TTC8: variants seen among roughly 807,000 people sequenced by gnomAD.
The protein encoded by TTC8 is tetratricopeptide repeat protein 8.
A neutral mutation model predicts 72.5 loss-of-function variants in TTC8; 47 were observed. The ratio of observed to expected loss-of-function variants is 0.65; its 90% confidence interval spans 0.51 to 0.83. The LOEUF (loss-of-function observed/expected upper bound fraction) is 0.83, where lower values mean the gene tolerates loss of function less well. Ranked by LOEUF, TTC8 falls within the 40% of genes least tolerant of loss-of-function variation. The probability of loss-of-function intolerance (pLI) is 0.00; values close to 1 mark genes in which losing one functional copy is unlikely to be tolerated. For missense variants in TTC8, 611 were observed against 623.2 expected, an observed-to-expected ratio of 0.98 and a Z score of 0.21; for synonymous variants, 199 against 221.4, an observed-to-expected ratio of 0.90 and a Z score of 0.90.
At chr14:88,830,147 C>A (rs2094719474) in intron 1 of TTC8, among the ~76,000 whole-genome samples, 1 of 152,226 alleles carries the variant, frequency 6.6e-6, no homozygotes, top group East Asian at 1.9e-4. Flanking sequence ...GACTCATTAG[C>A]CAGCATAAGT....
In TTC8 at chr14:88,873,495, A is replaced by G. The variant is rs74079410; in HGVS notation, c.1347+1043A>G. Among the ~76,000 whole-genome samples, 920 of 152,322 alleles carry G rather than the reference A, an allele frequency of 6.0e-3. 19 individuals carry two copies. The highest frequency in any genetic ancestry group is 0.021 in the African/African-American group (866 of 41,572). ...GGATGTAGAATGTCAGCTGTATGAA[A>G]AGAGTGACCATATCTGTCATGTAAC... is the stretch of plus-strand genomic sequence containing the variant. On this transcript the variant is annotated intron_variant, in intron 13 of 14. Transcript: ENST00000380656.
chr14:88,831,022 T>G, intron 1 of TTC8: 1 of 404,830 alleles, frequency 2.5e-6, no homozygotes, highest in Non-Finnish European at 4.9e-6. Context: ...AAATACTGCC[T>G]CTATACCTTT....
At position 88,869,844 on chromosome 14, in the gene TTC8, A is replaced by G. The variant is rs1487667848; in HGVS notation, c.910-215A>G. Among the ~76,000 whole-genome samples the G allele has an allele frequency of 4.6e-5, 7 of 151,908 alleles. No homozygotes were observed. The South Asian group carries it at 1.2e-3, about 27-fold the overall frequency. On this transcript the variant is annotated intron_variant, in intron 10 of 14. Coordinates refer to ENST00000380656, the MANE Select transcript of TTC8 (RefSeq NM_144596.4). The stretch of plus-strand genomic sequence containing the variant: ...AGCACTTAACCTTCTCTTATATTAC[A>G]TATTTGTTTGCCTTTCATACCAGAT...
intron 3 of TTC8, 80 bp downstream of exon 3, chr14:88,839,652 T>C: frequency 6.8e-7 from 1 of 1,470,614 alleles, no homozygotes; most frequent in African/African-American, 1.4e-5. Flanking sequence ...TATATATGCC[T>C]ATATATTTCT....
intron 14 of TTC8, among the ~76,000 whole-genome samples, chr14:88,876,539 G>A (rs532920655): frequency 6.6e-6 from 1 of 152,102 alleles, no homozygotes; most frequent in African/African-American, 2.4e-5. Flanking sequence ...ATAAATGTTT[G>A]AGGTGACGGA....
rs1212931793 is a variant in TTC8, at chr14:88,843,821, A to G, written c.595A>G (p.Ile199Val). 2 of 1,596,394 alleles carry G rather than the reference A, an allele frequency of 1.3e-6. No individual in the cohort carries two copies. The highest frequency in any genetic ancestry group is 8.6e-7 in the Non-Finnish European group (1 of 1,169,192). Residue 199 changes from isoleucine to valine, a missense_variant, in exon 7 of 15, where the codon ATC becomes GTC. Ile to Val is a conservative substitution (Grantham distance 29). Transcript: ENST00000380656. ...TTCTTCACAGGCTTTGTTTGAGTAT[A>G]TCTTTCATCATGAAAATGATGTTAA... Reference protein sequence around the residue: ...PKLAKALFEYIFHHENDVKTA... With the variant: ...PKLAKALFEYVFHHENDVKTA...
intron 1 of TTC8, among the ~76,000 whole-genome samples, chr14:88,827,406 A>T (rs1185546843): frequency 6.6e-6 from 1 of 152,166 alleles, no homozygotes; most frequent in African/African-American, 2.4e-5. Flanking sequence ...GAAATTTGAT[A>T]TTCTTTTCCT....
At position 88,872,329 on chromosome 14, in the gene TTC8, G is replaced by C; in HGVS notation, c.1225-1G>C. ...GTGTGAACATAGGCTTTCTTTTGTA[G>C]GGAATAGGAGATACAAATTTGGCCC... On this transcript the variant is annotated splice_acceptor_variant, in intron 12 of 14. Transcript: ENST00000380656. LOFTEE classifies it high-confidence loss of function. The C allele has an allele frequency of 6.2e-7, 1 of 1,613,644 alleles. No homozygotes were observed. Among genetic ancestry groups the C allele is most frequent in the Non-Finnish European group, 8.5e-7 (1 of 1,179,740 alleles).
chr14:88,833,115 C>G (rs923731785), intron 1 of TTC8, among the ~76,000 whole-genome samples: 5 of 152,166 alleles, frequency 3.3e-5, no homozygotes, highest in South Asian at 2.1e-4. Context: ...TTTCTTAGTA[C>G]TTTCCCCAGT....
chr14:88,836,104 AC>A (rs1402080625), intron 2 of TTC8, among the ~76,000 whole-genome samples: 1 of 152,182 alleles, frequency 6.6e-6, no homozygotes, highest in East Asian at 1.9e-4. Context: ...AAAAATTCAT[AC>A]CATTGTTTCT....
intron 8 of TTC8, among the ~76,000 whole-genome samples, chr14:88,856,695 A>G (rs1404625025): frequency 6.6e-6 from 1 of 152,228 alleles, no homozygotes; most frequent in Non-Finnish European, 1.5e-5. Context: ...CTAGAATAAT[A>G]AAATGGTATA....
At chr14:88,846,750 T>TA in intron 7 of TTC8, 1 of 861,092 alleles carries the variant, frequency 1.2e-6, no homozygotes, top group South Asian at 1.9e-5. Context: ...AATTTTTACA[T>TA]ATTATGTTAG....
At chr14:88,824,952 C>A in intron 1 of TTC8, 131 bp downstream of exon 1, 1 of 824,776 alleles carries the variant, frequency 1.2e-6, no homozygotes, top group Non-Finnish European at 2.0e-6. Flanking sequence ...CCCTCGGAGG[C>A]GCCCGGAGCG....
chr14:88,873,141 G>C (rs1435453808), intron 13 of TTC8, among the ~76,000 whole-genome samples: 1 of 152,140 alleles, frequency 6.6e-6, no homozygotes, highest in Non-Finnish European at 1.5e-5. Flanking sequence ...TATGGCCTTT[G>C]AGGCCCCACG....
intron 10 of TTC8, among the ~76,000 whole-genome samples, chr14:88,869,111 C>T (rs574088376): frequency 1.3e-5 from 2 of 152,206 alleles, no homozygotes; most frequent in African/African-American, 4.8e-5. Context: ...AACAAGTTCA[C>T]ATAATAAACA....
chr14:88,870,947 A>G (rs1260840568), intron 11 of TTC8, among the ~76,000 whole-genome samples: 1 of 152,176 alleles, frequency 6.6e-6, no homozygotes, highest in Non-Finnish European at 1.5e-5. Context: ...ATTTGCTCAT[A>G]TGAACTCGCT....
intron 1 of TTC8, among the ~76,000 whole-genome samples, chr14:88,827,336 G>T (rs116038051): frequency 0.01 from 1,583 of 152,302 alleles, 22 homozygotes; most frequent in African/African-American, 0.036. Context: ...AGCAAGGGTT[G>T]ATATGTTCAG....
intron 13 of TTC8, among the ~76,000 whole-genome samples, chr14:88,872,968 G>A (rs1210925746): frequency 1.3e-5 from 2 of 152,082 alleles, no homozygotes; most frequent in Admixed American, 6.5e-5. Context: ...TGGTCTTTTT[G>A]TTTCCACTTA....
intron 11 of TTC8, 58 bp downstream of exon 11, chr14:88,870,256 A>T: frequency 6.4e-7 from 1 of 1,567,860 alleles, no homozygotes; most frequent in South Asian, 1.1e-5. Flanking sequence ...ATAAAATAAT[A>T]AGAAAGATGG....
Sources: gnomAD v4.1 joint callset for allele counts (sites outside exome capture counted in the v4.1 genomes callset) on GRCh38, gnomAD v4.1.1 for gene constraint, MANE v1.5 for transcripts, NCBI Gene and HGNC (gene_info 2026-07-23, HGNC 2026-07-21) for gene names.